The following TTLL11 variants were observed in gnomAD, a reference collection of about 807,000 sequenced individuals.
TTLL11 encodes tubulin tyrosine ligase like 11.
A neutral mutation model predicts 51.7 loss-of-function variants in TTLL11; 42 were observed. The ratio of observed to expected loss-of-function variants is 0.81; its 90% CI spans 0.64 to 1.05. TTLL11 has a LOEUF of 1.05. Ranked by LOEUF, TTLL11 falls within the 50% of genes least tolerant of loss-of-function variation. The pLI is 0.00. For synonymous variants in TTLL11, 381 were observed against 383.5 expected, an observed-to-expected ratio of 0.99 and a Z score of 0.08; for missense variants, 799 against 940.4, an observed-to-expected ratio of 0.85 and a Z score of 1.97.
intron 1 of TTLL11, among the ~76,000 whole-genome samples, chr9:122,059,895 C>G (rs919370100): frequency 3.3e-5 from 5 of 152,164 alleles, no homozygotes; most frequent in African/African-American, 1.2e-4. Flanking sequence ...CCTTATTTTC[C>G]TCCTAGCTGT....
chr9:121,892,937 C>T (rs1405122855), intron 6 of TTLL11, among the ~76,000 whole-genome samples: 1 of 152,090 alleles, frequency 6.6e-6, no homozygotes, highest in East Asian at 1.9e-4. Flanking sequence ...TGGAAGTGAG[C>T]CCAGAACTCC....
intron 6 of TTLL11, among the ~76,000 whole-genome samples, chr9:121,886,905 T>C (rs1839030884): frequency 6.6e-6 from 1 of 152,138 alleles, no homozygotes; most frequent in Non-Finnish European, 1.5e-5. Flanking sequence ...ATGTTTAACT[T>C]CAGAACCCAC....
intron 3 of TTLL11, among the ~76,000 whole-genome samples, chr9:122,013,221 AC>A (rs1843866839): frequency 6.6e-6 from 1 of 152,084 alleles, no homozygotes; most frequent in Non-Finnish European, 1.5e-5. Flanking sequence ...CTGACCCCAA[AC>A]CCTTGCCTCA....
chr9:121,974,317 G>GA (rs1243190686), intron 5 of TTLL11, among the ~76,000 whole-genome samples, 193 bp from the exon 6 acceptor site: 1 of 152,054 alleles, frequency 6.6e-6, no homozygotes, highest in Non-Finnish European at 1.5e-5. Flanking sequence ...ACATGAAGAG[G>GA]AAAAATAGCA....
intron 6 of TTLL11, among the ~76,000 whole-genome samples, chr9:121,895,440 T>C (rs1839433682): frequency 1.3e-5 from 2 of 151,212 alleles, no homozygotes; most frequent in Non-Finnish European, 1.5e-5. Flanking sequence ...TGTGTGTCTG[T>C]GCACGTTTGT....
chr9:121,870,775 T>C (rs1838331719), intron 6 of TTLL11, 27 bp from the exon 7 acceptor site: 1 of 1,503,988 alleles, frequency 6.6e-7, no homozygotes, highest in Non-Finnish European at 8.9e-7. Flanking sequence ...ATTAATGATA[T>C]AACACTTTCC....
chr9:122,080,277 A>G (rs1286081902), intron 1 of TTLL11, among the ~76,000 whole-genome samples: 1 of 152,258 alleles, frequency 6.6e-6, no homozygotes, highest in African/African-American at 2.4e-5. Flanking sequence ...AGAGCTGAGC[A>G]TAAATTGCTA....
intron 2 of TTLL11, among the ~76,000 whole-genome samples, chr9:122,032,428 A>G (rs1844580396): frequency 6.6e-6 from 1 of 152,204 alleles, no homozygotes; most frequent in African/African-American, 2.4e-5. Context: ...CAAAATTTAT[A>G]CTTCAAGGGA....
chr9:121,917,553 AAAAGAAAGAAAG>A (rs553060411), intron 6 of TTLL11, among the ~76,000 whole-genome samples: 2 of 144,900 alleles, frequency 1.4e-5, no homozygotes, highest in Non-Finnish European at 3.0e-5. Context: ...AAGAAAAAGA[AAAAGAAAGAAAG>A]AAAGAAAGAA....
chr9:121,826,240 A>C (rs1184807593), intron 8 of TTLL11, among the ~76,000 whole-genome samples: 1 of 129,546 alleles, frequency 7.7e-6, no homozygotes, highest in Non-Finnish European at 1.6e-5. Context: ...ATATACACGC[A>C]CATATATATG....
intron 3 of TTLL11, among the ~76,000 whole-genome samples, chr9:121,999,494 C>T (rs1843397606): frequency 1.3e-5 from 2 of 152,220 alleles, no homozygotes; most frequent in South Asian, 4.1e-4. Flanking sequence ...CTCACCCCCA[C>T]CCAGTCATCA....
At position 121,821,049 on chromosome 9, in the gene TTLL11, C is replaced by A. The variant is rs1242120094; in HGVS notation, c.*1538G>T. Among the ~76,000 whole-genome samples, 1 of 151,946 alleles carries A rather than the reference C, an allele frequency of 6.6e-6. No individual in the cohort carries two copies. The highest frequency in any genetic ancestry group is 2.4e-5 in the African/African-American group (1 of 41,364). On this transcript the variant is annotated 3_prime_UTR_variant, in exon 9 of 9. Transcript: ENST00000321582. This position sits in a 1 kb window ranked among gnomAD's most constrained non-coding sequence, Gnocchi z 5.0. ...CCAGGCAAGGATGAACAGAGCAGCCCCTGCTCTGAAATCGCTTGCCAACAA... is the reference window on the plus strand; with the variant it reads ...CCAGGCAAGGATGAACAGAGCAGCCACTGCTCTGAAATCGCTTGCCAACAA...
intron 3 of TTLL11, among the ~76,000 whole-genome samples, chr9:122,003,950 C>G (rs1843561504): frequency 1.3e-5 from 2 of 150,470 alleles, no homozygotes; most frequent in African/African-American, 4.9e-5. Flanking sequence ...CCCGTCTCTA[C>G]TAAAAATACA....
chr9:122,052,090 A>G (rs909701809), intron 1 of TTLL11, among the ~76,000 whole-genome samples: 4 of 152,192 alleles, frequency 2.6e-5, no homozygotes, highest in Non-Finnish European at 5.9e-5. Flanking sequence ...AAATTGATGA[A>G]ATCCTGAAGG....
chr9:121,826,557 GTATATATA>G (rs1171227988), intron 8 of TTLL11, among the ~76,000 whole-genome samples: 3 of 51,342 alleles, frequency 5.8e-5, no homozygotes, highest in South Asian at 1.4e-3. Flanking sequence ...ATATGTGTGT[GTATATATA>G]TATATATATA....
intron 1 of TTLL11, among the ~76,000 whole-genome samples, chr9:122,091,314 A>G (rs535046654): frequency 6.6e-6 from 1 of 152,186 alleles, no homozygotes; most frequent in Non-Finnish European, 1.5e-5. Flanking sequence ...TCTAGCCCTC[A>G]TATCTCTGGC....
chr9:121,991,857 G>A (rs1425326524), intron 3 of TTLL11, among the ~76,000 whole-genome samples: 2 of 152,144 alleles, frequency 1.3e-5, no homozygotes, highest in African/African-American at 2.4e-5. Context: ...AGTCAAGGGG[G>A]AAACGGAGGC....
At chr9:122,047,624 T>C (rs1845052172) in intron 1 of TTLL11, among the ~76,000 whole-genome samples, 1 of 151,766 alleles carries the variant, frequency 6.6e-6, no homozygotes, top group African/African-American at 2.4e-5. Flanking sequence ...GTTTCAAGAC[T>C]AAAGGAGTGG....
At chr9:121,888,898 G>C (rs554596634) in intron 6 of TTLL11, among the ~76,000 whole-genome samples, 39 of 152,354 alleles carry the variant, frequency 2.6e-4, no homozygotes, top group African/African-American at 9.1e-4. Flanking sequence ...AGCCCTGCCA[G>C]GCAGGAACTA....
Sources: gnomAD v4.1 joint callset for allele counts (sites outside exome capture counted in the v4.1 genomes callset) on GRCh38, gnomAD v4.1.1 for gene constraint, Gnocchi (gnomAD v3.1) non-coding constraint, MANE v1.5 for transcripts, NCBI Gene and HGNC (gene_info 2026-07-23, HGNC 2026-07-21) for gene names.